Variants in AAR2 observed in about 807,000 individuals in gnomAD.
AAR2 encodes the protein AAR2 splicing factor.
Under a neutral mutation model 26.9 loss-of-function variants are expected in AAR2, and 31 were observed. That is an observed-to-expected ratio of 1.15 (90% CI 0.86 to 1.55). The LOEUF is 1.55. AAR2 is among the 40% of genes most tolerant of loss of function. The probability of loss-of-function intolerance (pLI) is 0.00; values close to 1 mark genes in which losing one functional copy is unlikely to be tolerated. For missense variants in AAR2, 430 were observed against 491.3 expected, an observed-to-expected ratio of 0.88 and a Z score of 1.18; for synonymous variants, 188 against 196.1, an observed-to-expected ratio of 0.96 and a Z score of 0.34.
At position 36,256,483 on chromosome 20, in the gene AAR2, G is replaced by T. The variant is rs1179882740; in HGVS notation, c.*738G>T. 2.0e-5 allele frequency: 3 copies of T among 152,322 alleles called. No homozygotes were observed. The highest frequency in any genetic ancestry group is 7.2e-5 in the African/African-American group (3 of 41,432). 9.4% of individuals were successfully genotyped at this position (152,322 alleles called of 1,614,324 possible). A position where few individuals can be genotyped will look rare whatever the true frequency, so the allele number is the denominator to read the frequency against. Reference sequence around the variant, plus strand: ...ATTCCGAGGCCTCACCCAGAAGTGGGACCCTCCCCTTCCTCACCAGAGCCA... The same window carrying T: ...ATTCCGAGGCCTCACCCAGAAGTGGTACCCTCCCCTTCCTCACCAGAGCCA... On this transcript the variant is annotated 3_prime_UTR_variant, in exon 4 of 4. Transcript: ENST00000320849.
chr20:36,240,047 A>G lies in AAR2; in HGVS notation c.179A>G (p.Tyr60Cys), dbSNP rs764193799. ...CCTCCAGGCATCCACTTCCTCCACT[A>G]CAGCTCTGTGGACAAGGCTAATCCG... is the stretch of plus-strand genomic sequence containing the variant. ...MIPPGIHFLH[Y>C]SSVDKANPKE... The change falls in exon 2 of 4, where the codon TAC becomes TGC. Residue 60 changes from tyrosine to cysteine, a missense_variant. Physicochemically the swap from Tyr to Cys is radical, Grantham distance 194. Transcript: ENST00000320849. 1.9e-6 allele frequency: 3 copies of G among 1,614,192 alleles called. No individual in the cohort carries two copies. The highest frequency in any genetic ancestry group is 1.7e-5 in the Admixed American group (1 of 60,026).
At chr20:36,252,868 C>T (rs7266807) in intron 3 of AAR2, among the ~76,000 whole-genome samples, 8,057 of 152,156 alleles carry the variant, frequency 0.053, 715 homozygotes, top group African/African-American at 0.18. Flanking sequence ...CATACCAGGC[C>T]CCTCCCCAGA....
At position 36,240,406 on chromosome 20, in the gene AAR2, C is replaced by A; in HGVS notation, c.538C>A (p.Arg180Ser). The A allele has an allele frequency of 6.2e-7, 1 of 1,614,240 alleles. No individual in the cohort carries two copies. The highest frequency in any genetic ancestry group is 8.5e-7 in the Non-Finnish European group (1 of 1,180,052). The part of the protein sequence containing the change: ...TKDRVGQNLP[R>S]CGIECKSYQE... ...GGACCGCGTGGGGCAGAATCTACCCCGCTGTGGCATTGAGTGCAAAAGCTA... is the reference window on the plus strand; with the variant it reads ...GGACCGCGTGGGGCAGAATCTACCCAGCTGTGGCATTGAGTGCAAAAGCTA... Residue 180 changes from arginine to serine, a missense_variant, in exon 2 of 4, where the codon CGC becomes AGC. Transcript: ENST00000320849.
chr20:36,237,312 AT>A (rs2064620633), intron 1 of AAR2, among the ~76,000 whole-genome samples: 1 of 152,204 alleles, frequency 6.6e-6, no homozygotes, highest in Non-Finnish European at 1.5e-5. Context: ...TTAGATTGGC[AT>A]TTTGAAAAGG....
At chr20:36,253,919 T>C (rs934023872) in intron 3 of AAR2, among the ~76,000 whole-genome samples, 1 of 152,186 alleles carries the variant, frequency 6.6e-6, no homozygotes, top group African/African-American at 2.4e-5. Context: ...TAGAATGGCA[T>C]GATTTAAACA....
chr20:36,236,521 G>C lies in AAR2; in HGVS notation c.-49+18G>C, dbSNP rs2064606578. On this transcript the variant is annotated intron_variant, in intron 1 of 3. Coordinates refer to ENST00000320849, the MANE Select transcript of AAR2 (RefSeq NM_001271874.2). ...GCGAGGCGGTGAGTGTGGCCTCCTG[G>C]CCTCTTTTTCCTTTCCTGATTCCTT... The C allele has an allele frequency of 6.6e-6, 1 of 152,272 alleles. No individual in the cohort carries two copies. Among genetic ancestry groups the C allele is most frequent in the South Asian group, 2.1e-4 (1 of 4,836 alleles). 9.4% of individuals were successfully genotyped at this position (152,272 alleles called of 1,614,324 possible).
intron 1 of AAR2, 138 bp from the exon 2 acceptor site, chr20:36,239,683 C>G: frequency 2.9e-6 from 2 of 681,734 alleles, no homozygotes; most frequent in Non-Finnish European, 4.5e-6. Flanking sequence ...TCTGTAAACT[C>G]AATGCAGGGT....
chr20:36,248,661 A>C (rs2064757671), intron 3 of AAR2, among the ~76,000 whole-genome samples: 1 of 152,018 alleles, frequency 6.6e-6, no homozygotes, highest in African/African-American at 2.4e-5. Context: ...GTGTTTTTAG[A>C]TGGATAGAGT....
rs2064716108 is a variant in AAR2, at chr20:36,244,686, G to A, written c.758-11G>A. 1 of 1,610,544 alleles carries A rather than the reference G, an allele frequency of 6.2e-7. No individual in the cohort carries two copies. Among genetic ancestry groups the A allele is most frequent in the African/African-American group, 1.3e-5 (1 of 74,668 alleles). On this transcript the variant is annotated splice_polypyrimidine_tract_variant and intron_variant, in intron 2 of 3. Transcript: ENST00000320849. ...TCCCTCAGAATCACTTCTCCTCTCT[G>A]CACCTTTCAGGTGAACTCCAGTTTG...
intron 1 of AAR2, 136 bp from the exon 2 acceptor site, chr20:36,239,685 A>C (rs574780358): frequency 1.4e-6 from 1 of 704,648 alleles, no homozygotes; most frequent in African/African-American, 1.8e-5. Flanking sequence ...TGTAAACTCA[A>C]TGCAGGGTTG....
At chr20:36,239,754 A>C in intron 1 of AAR2, 67 bp from the exon 2 acceptor site, 1 of 1,291,208 alleles carries the variant, frequency 7.7e-7, no homozygotes, top group Non-Finnish European at 1.1e-6. Flanking sequence ...TGGCACATAC[A>C]GAATGCTTAG....
intron 3 of AAR2, among the ~76,000 whole-genome samples, chr20:36,248,091 C>T (rs780016148): frequency 6.6e-6 from 1 of 152,182 alleles, no homozygotes; most frequent in Non-Finnish European, 1.5e-5. Context: ...CATATTTGCT[C>T]ATTCTACAAC....
chr20:36,241,713 G>C (rs1381116552), intron 2 of AAR2, among the ~76,000 whole-genome samples: 1 of 152,170 alleles, frequency 6.6e-6, no homozygotes, highest in Non-Finnish European at 1.5e-5. Context: ...AACCCAGGAG[G>C]CAGAGGTCGC....
intron 2 of AAR2, among the ~76,000 whole-genome samples, chr20:36,242,854 GTTT>G (rs766390749): frequency 3.2e-4 from 39 of 120,972 alleles, no homozygotes; most frequent in African/African-American, 9.4e-4. Flanking sequence ...AACTTTGTTG[GTTT>G]TTTTTTTTTT....
intron 3 of AAR2, 28 bp from the exon 4 acceptor site, chr20:36,255,549 AG>A: frequency 6.2e-7 from 1 of 1,613,476 alleles, no homozygotes; most frequent in Middle Eastern, 1.7e-4. Flanking sequence ...CCGTCTTCTC[AG>A]GAGTGACTTA....
chr20:36,255,249 A>T (rs1450747374), intron 3 of AAR2, among the ~76,000 whole-genome samples: 1 of 152,142 alleles, frequency 6.6e-6, no homozygotes, highest in Admixed American at 6.5e-5. Context: ...CTTTCTTAGG[A>T]CCTTAGTACC....
intron 3 of AAR2, among the ~76,000 whole-genome samples, chr20:36,246,674 CA>C (rs1450366816): frequency 6.6e-6 from 1 of 152,212 alleles, no homozygotes; most frequent in Non-Finnish European, 1.5e-5. Context: ...TTAGCACAAC[CA>C]GCAGCTGAGC....
intron 2 of AAR2, among the ~76,000 whole-genome samples, 184 bp from the exon 3 acceptor site, chr20:36,244,513 C>G (rs543945528): frequency 6.6e-6 from 1 of 152,334 alleles, no homozygotes; most frequent in South Asian, 2.1e-4. Flanking sequence ...CATAGCGGTT[C>G]AGCAGACATC....
chr20:36,236,609 C>T (rs1174909384), intron 1 of AAR2, 106 bp downstream of exon 1: 2 of 152,270 alleles, frequency 1.3e-5, no homozygotes, highest in Non-Finnish European at 2.9e-5. Context: ...TTGAACTAGG[C>T]CCACCTCGCC....
Sources: allele counts gnomAD v4.1 joint callset (sites outside exome capture counted in the v4.1 genomes callset), GRCh38; gene constraint gnomAD v4.1.1; transcripts MANE v1.5; gene names NCBI Gene and HGNC (gene_info 2026-07-23, HGNC 2026-07-21).